The following LIN7A variants were observed in gnomAD, a reference collection of about 807,000 sequenced individuals.
The protein encoded by LIN7A is protein lin-7 homolog A.
A neutral mutation model predicts 29.8 loss-of-function variants in LIN7A; 25 were observed. The observed-to-expected ratio is 0.84, with a 90% CI of 0.61 to 1.17. LIN7A has a LOEUF of 1.17. Ranked by LOEUF, LIN7A falls within the 50% of genes most tolerant of loss-of-function variation. The probability of loss-of-function intolerance (pLI) is 0.00; values close to 1 mark genes in which losing one functional copy is unlikely to be tolerated. For synonymous variants in LIN7A, 118 were observed against 107.5 expected, an observed-to-expected ratio of 1.10 and a Z score of -0.60; for missense variants, 239 against 287.0, an observed-to-expected ratio of 0.83 and a Z score of 1.21.
intron 2 of LIN7A, among the ~76,000 whole-genome samples, chr12:80,884,023 A>T (rs1248379444): frequency 1.3e-5 from 2 of 152,192 alleles, no homozygotes; most frequent in African/African-American, 4.8e-5. Flanking sequence ...TCATAAGACA[A>T]AAAAATCTCT....
chr12:80,859,100 T>C (rs781522808), intron 2 of LIN7A, among the ~76,000 whole-genome samples: 1 of 152,144 alleles, frequency 6.6e-6, no homozygotes, highest in Non-Finnish European at 1.5e-5. Context: ...AATTAGAATT[T>C]CAGATAAACA....
chr12:80,907,546 C>T (rs1876549006), intron 1 of LIN7A, among the ~76,000 whole-genome samples: 1 of 152,134 alleles, frequency 6.6e-6, no homozygotes, highest in South Asian at 2.1e-4. Context: ...GCATCTTTAT[C>T]TATAAAATGA....
intron 4 of LIN7A, among the ~76,000 whole-genome samples, chr12:80,825,009 G>A (rs190440993): frequency 2.4e-4 from 37 of 152,252 alleles, no homozygotes; most frequent in Admixed American, 1.3e-3. Context: ...GGAAGTCCTC[G>A]CCAGAGCAAT....
intron 5 of LIN7A, among the ~76,000 whole-genome samples, chr12:80,807,063 G>GTTTTTTTTTTGTTTTTTTTTTT (rs1871029199): frequency 3.7e-5 from 2 of 53,588 alleles, no homozygotes; most frequent in East Asian, 5.3e-4. Context: ...TGAAGATGGA[G>GTTTTTTTTTTGTTTTTTTTTTT]TTTTTTTTTT....
At chr12:80,890,747 C>T (rs528048191) in intron 1 of LIN7A, among the ~76,000 whole-genome samples, 1 of 152,234 alleles carries the variant, frequency 6.6e-6, no homozygotes, top group East Asian at 1.9e-4. Context: ...ACATAGTCAA[C>T]TGGACAAAAC....
intron 1 of LIN7A, among the ~76,000 whole-genome samples, chr12:80,922,538 T>C (rs1369258000): frequency 6.6e-6 from 1 of 152,224 alleles, no homozygotes; most frequent in Non-Finnish European, 1.5e-5. Context: ...GTCACAGTCA[T>C]GATCTCTTGG....
chr12:80,835,649 G>T (rs1397182035), intron 4 of LIN7A, among the ~76,000 whole-genome samples: 1 of 152,120 alleles, frequency 6.6e-6, no homozygotes, highest in Non-Finnish European at 1.5e-5. Flanking sequence ...CCAGCGTAAT[G>T]CCAGACACTC....
intron 1 of LIN7A, among the ~76,000 whole-genome samples, chr12:80,892,571 T>C (rs1312068254): frequency 2.6e-5 from 4 of 152,142 alleles, no homozygotes; most frequent in Non-Finnish European, 5.9e-5. Flanking sequence ...GGGCTGTGCA[T>C]TGAAATTATC....
intron 1 of LIN7A, among the ~76,000 whole-genome samples, chr12:80,916,662 T>G (rs1877044157): frequency 6.6e-6 from 1 of 152,136 alleles, no homozygotes; most frequent in South Asian, 2.1e-4. Context: ...AAGAATTTGT[T>G]GAGTGATAAG....
At chr12:80,851,631 T>C (rs1215653509) in intron 2 of LIN7A, among the ~76,000 whole-genome samples, 2 of 152,174 alleles carry the variant, frequency 1.3e-5, no homozygotes, top group African/African-American at 2.4e-5. Flanking sequence ...TTTTACCAGA[T>C]ACCCTGAGAG....
chr12:80,802,757 C>T (rs531850385), intron 5 of LIN7A, among the ~76,000 whole-genome samples: 19 of 152,038 alleles, frequency 1.2e-4, no homozygotes, highest in Non-Finnish European at 2.4e-4. Flanking sequence ...GCCTCACCCT[C>T]CTCCTCCTGT....
At chr12:80,857,887 C>T (rs549228989) in intron 2 of LIN7A, among the ~76,000 whole-genome samples, 10 of 152,122 alleles carry the variant, frequency 6.6e-5, no homozygotes, top group Non-Finnish European at 1.5e-4. Flanking sequence ...ACATGAGAAA[C>T]GTCTCCAGCA....
intron 1 of LIN7A, among the ~76,000 whole-genome samples, chr12:80,926,350 A>T (rs1316472947): frequency 6.6e-6 from 1 of 152,174 alleles, no homozygotes; most frequent in Non-Finnish European, 1.5e-5. Context: ...TCCTATTTTT[A>T]AAATTCCTTC....
At chr12:80,863,630 T>C (rs1262234268) in intron 2 of LIN7A, among the ~76,000 whole-genome samples, 2 of 152,214 alleles carry the variant, frequency 1.3e-5, no homozygotes, top group Non-Finnish European at 2.9e-5. Flanking sequence ...ATGACCTCAT[T>C]GGTAGTAACA....
At chr12:80,927,742 G>A (rs1234030408) in intron 1 of LIN7A, among the ~76,000 whole-genome samples, 2 of 152,062 alleles carry the variant, frequency 1.3e-5, no homozygotes, top group African/African-American at 4.8e-5. Context: ...AAGTTCTAGG[G>A]TACATGTGCA....
At chr12:80,928,249 C>A (rs1877713369) in intron 1 of LIN7A, among the ~76,000 whole-genome samples, 2 of 152,110 alleles carry the variant, frequency 1.3e-5, no homozygotes, top group Non-Finnish European at 2.9e-5. Context: ...GGTCAAATAG[C>A]ATTTCTAGTT....
intron 2 of LIN7A, among the ~76,000 whole-genome samples, chr12:80,864,860 C>T (rs1920995): frequency 0.77 from 117,196 of 152,126 alleles, 46,011 homozygotes; most frequent in East Asian, 0.97. Flanking sequence ...TGCCTTTGTA[C>T]TTCCATCACC....
intron 1 of LIN7A, among the ~76,000 whole-genome samples, chr12:80,927,946 G>A (rs920018198): frequency 1.3e-5 from 2 of 152,102 alleles, no homozygotes; most frequent in Non-Finnish European, 2.9e-5. Context: ...CTATGAGTGA[G>A]AATATGCGGT....
At chr12:80,808,507 C>CTTTTTT (rs200750392) in intron 5 of LIN7A, among the ~76,000 whole-genome samples, 1 of 137,416 alleles carries the variant, frequency 7.3e-6, no homozygotes, top group Non-Finnish European at 1.6e-5. Flanking sequence ...TTTCTTTTTT[C>CTTTTTT]TTTTTTTTTT....
Sources: allele counts gnomAD v4.1 joint callset (sites outside exome capture counted in the v4.1 genomes callset), GRCh38; gene constraint gnomAD v4.1.1; transcripts MANE v1.5; gene names NCBI Gene and HGNC (gene_info 2026-07-23, HGNC 2026-07-21).